APBB2: variants seen among roughly 807,000 people sequenced by gnomAD.
APBB2 encodes the protein Fe65-like 1.
Under a neutral mutation model 82.5 loss-of-function variants are expected in APBB2, and 38 were observed. The ratio of observed to expected loss-of-function variants is 0.46; its 90% confidence interval spans 0.36 to 0.60. The LOEUF is 0.60. APBB2 is among the 20% of genes least tolerant of loss of function. The pLI is 0.00. For missense variants in APBB2, 772 were observed against 972.3 expected (o/e 0.79, Z 2.74); for synonymous variants, 341 against 368.2 (o/e 0.93, Z 0.85).
intron 13 of APBB2, 148 bp from the exon 14 acceptor site, chr4:40,827,367 G>A: frequency 3.2e-6 from 2 of 625,390 alleles, no homozygotes; most frequent in Non-Finnish European, 5.7e-6. Context: ...GCATCTCTGG[G>A]GCTACATATT....
intron 1 of APBB2, among the ~76,000 whole-genome samples, chr4:41,192,950 C>T (rs1774895046): frequency 6.6e-6 from 1 of 152,160 alleles, no homozygotes; most frequent in Admixed American, 6.5e-5. Flanking sequence ...CAATCCAAGT[C>T]ACTCGCCAAG....
intron 1 of APBB2, among the ~76,000 whole-genome samples, chr4:41,163,249 T>C (rs986011883): frequency 3.9e-5 from 6 of 152,194 alleles, no homozygotes; most frequent in African/African-American, 1.2e-4. Flanking sequence ...ATGGTAATGA[T>C]AGACCACATA....
intron 3 of APBB2, among the ~76,000 whole-genome samples, chr4:41,068,753 GT>G (rs1732802509): frequency 1.3e-5 from 2 of 149,064 alleles, no homozygotes; most frequent in African/African-American, 4.9e-5. Flanking sequence ...AAAGGTGTAC[GT>G]GTAGTTTAAT....
chr4:41,012,905 C>G (rs1385747370), intron 6 of APBB2, among the ~76,000 whole-genome samples: 1 of 152,168 alleles, frequency 6.6e-6, no homozygotes, highest in South Asian at 2.1e-4. Context: ...ATTTCTGTCA[C>G]CATTTTAACA....
chr4:41,053,697 T>C (rs1014116141), intron 4 of APBB2, among the ~76,000 whole-genome samples: 1 of 152,048 alleles, frequency 6.6e-6, no homozygotes, highest in African/African-American at 2.4e-5. Flanking sequence ...AAGAGTATCA[T>C]AAAAAAGGCC....
At chr4:40,949,013 T>G (rs1411642617) in intron 6 of APBB2, among the ~76,000 whole-genome samples, 1 of 151,988 alleles carries the variant, frequency 6.6e-6, no homozygotes, top group South Asian at 2.1e-4. Flanking sequence ...GCACGGTGGC[T>G]CATGCCTATA....
chr4:40,921,916 T>C (rs1301172266), intron 10 of APBB2, among the ~76,000 whole-genome samples: 1 of 152,202 alleles, frequency 6.6e-6, no homozygotes, highest in Non-Finnish European at 1.5e-5. Flanking sequence ...GTGGAGACCT[T>C]TCTGCCCCTT....
chr4:40,894,613 T>C (rs1773142070), intron 10 of APBB2, among the ~76,000 whole-genome samples: 1 of 152,240 alleles, frequency 6.6e-6, no homozygotes, highest in South Asian at 2.1e-4. Context: ...AATCTTTAAA[T>C]GCTGAAGTGC....
At chr4:40,912,808 G>A (rs1351179263) in intron 10 of APBB2, among the ~76,000 whole-genome samples, 3 of 152,110 alleles carry the variant, frequency 2.0e-5, no homozygotes, top group Admixed American at 6.6e-5. Context: ...CATGGAAGTC[G>A]AGGCCAAGAA....
intron 6 of APBB2, among the ~76,000 whole-genome samples, chr4:41,003,938 C>A (rs1027772951): frequency 2.0e-5 from 3 of 152,210 alleles, no homozygotes; most frequent in African/African-American, 7.2e-5. Flanking sequence ...GTCTTGAACT[C>A]CTGACCTCAG....
At chr4:41,187,003 C>T (rs1773081274) in intron 1 of APBB2, among the ~76,000 whole-genome samples, 1 of 152,160 alleles carries the variant, frequency 6.6e-6, no homozygotes, top group African/African-American at 2.4e-5. Context: ...AGCTTCTGCA[C>T]ACATATAGGA....
intron 6 of APBB2, among the ~76,000 whole-genome samples, chr4:41,004,255 T>C (rs1040658734): frequency 1.3e-5 from 2 of 152,144 alleles, no homozygotes; most frequent in African/African-American, 4.8e-5. Context: ...AAGTGTGTGA[T>C]AATTTGTTAC....
At chr4:40,960,844 C>G (rs1337931631) in intron 6 of APBB2, among the ~76,000 whole-genome samples, 2 of 151,992 alleles carry the variant, frequency 1.3e-5, no homozygotes, top group Non-Finnish European at 2.9e-5. Flanking sequence ...CATGGCCACC[C>G]GATATAAACG....
At chr4:41,169,882 C>A (rs1767788425) in intron 1 of APBB2, among the ~76,000 whole-genome samples, 2 of 151,126 alleles carry the variant, frequency 1.3e-5, no homozygotes, top group Non-Finnish European at 1.5e-5. Context: ...AAGATAAGAT[C>A]TAGAAACAGG....
At chr4:40,952,801 A>G (rs1790566521) in intron 6 of APBB2, among the ~76,000 whole-genome samples, 1 of 152,194 alleles carries the variant, frequency 6.6e-6, no homozygotes, top group Non-Finnish European at 1.5e-5. Flanking sequence ...TATAAAAGCT[A>G]GTAACAGTAA....
intron 2 of APBB2, among the ~76,000 whole-genome samples, chr4:41,133,582 G>A (rs891009182): frequency 1.3e-5 from 2 of 152,194 alleles, no homozygotes; most frequent in African/African-American, 4.8e-5. Context: ...CCGTTTATTA[G>A]TTTCTGTACT....
At chr4:40,852,591 A>G (rs1262607504) in intron 12 of APBB2, among the ~76,000 whole-genome samples, 8 of 151,406 alleles carry the variant, frequency 5.3e-5, no homozygotes, top group African/African-American at 1.5e-4. Flanking sequence ...ATTGCACTGG[A>G]TGGATACGTC....
intron 1 of APBB2, among the ~76,000 whole-genome samples, chr4:41,165,648 C>T (rs77743433): frequency 0.041 from 6,267 of 152,182 alleles, 143 homozygotes; most frequent in Middle Eastern, 0.058. Context: ...CAGGAGGTTG[C>T]CTCAAGAGAC....
intron 7 of APBB2, among the ~76,000 whole-genome samples, chr4:40,941,141 C>CTT (rs151206804): frequency 1.2e-4 from 18 of 147,096 alleles, no homozygotes; most frequent in Non-Finnish European, 2.0e-4. Flanking sequence ...TTATTTGATT[C>CTT]TTTTTTTTTT....
Sources: gnomAD v4.1 joint callset for allele counts (sites outside exome capture counted in the v4.1 genomes callset) on GRCh38, gnomAD v4.1.1 for gene constraint, MANE v1.5 for transcripts, NCBI Gene and HGNC (gene_info 2026-07-23, HGNC 2026-07-21) for gene names.